The following DEPDC4 variants were observed in gnomAD, a reference collection of about 807,000 sequenced individuals.
The protein encoded by DEPDC4 is DEP domain containing 4.
DEPDC4 carries 52 observed loss-of-function variants against 52.0 expected under a neutral mutation model. That is an observed-to-expected ratio of 1.00 (90% CI 0.80 to 1.26). DEPDC4 has a LOEUF of 1.26. Ranked by LOEUF, DEPDC4 falls within the 50% of genes most tolerant of loss-of-function variation. The pLI, the probability that DEPDC4 is intolerant of heterozygous loss-of-function variation, is 0.00. For synonymous variants in DEPDC4, 201 were observed against 196.8 expected, an observed-to-expected ratio of 1.02 and a Z score of -0.18; for missense variants, 530 against 546.9, an observed-to-expected ratio of 0.97 and a Z score of 0.31.
chr12:100,244,687 C>T (rs992651230), intron 8 of DEPDC4, among the ~76,000 whole-genome samples: 3 of 151,366 alleles, frequency 2.0e-5, no homozygotes, highest in African/African-American at 7.3e-5. Context: ...CTCTTGAACT[C>T]CTGGGCTCAA....
At chr12:100,252,655 T>A in intron 5 of DEPDC4, 119 bp from the exon 6 acceptor site, 1 of 981,564 alleles carries the variant, frequency 1.0e-6, no homozygotes, top group Non-Finnish European at 1.4e-6. Flanking sequence ...GGTTCTTTTC[T>A]ACAATTAAAA....
At chr12:100,244,375 G>T (rs745458039) in intron 8 of DEPDC4, among the ~76,000 whole-genome samples, 2 of 151,174 alleles carry the variant, frequency 1.3e-5, no homozygotes, top group Non-Finnish European at 2.9e-5. Flanking sequence ...TAGAGACAGG[G>T]TTTCACTGTG....
At chr12:100,232,613 G>A (rs1349192233) in intron 9 of DEPDC4, among the ~76,000 whole-genome samples, 1 of 152,074 alleles carries the variant, frequency 6.6e-6, no homozygotes, top group Non-Finnish European at 1.5e-5. Flanking sequence ...GCTGGGCACG[G>A]TGGCTCACGC....
upstream of DEPDC4, among the ~76,000 whole-genome samples, chr12:100,269,157 C>T (rs961849054): frequency 2.6e-5 from 4 of 152,162 alleles, no homozygotes; most frequent in African/African-American, 9.7e-5. Flanking sequence ...AAATCGAACA[C>T]ATTAACATGC....
intron 1 of DEPDC4, 150 bp from the exon 2 acceptor site, chr12:100,264,043 T>C (rs562048355): frequency 1.4e-6 from 1 of 722,402 alleles, no homozygotes; most frequent in South Asian, 2.2e-5. Context: ...TAAACTATAG[T>C]ATATTTACTA....
At chr12:100,251,373 AC>A (rs1202675939) in intron 7 of DEPDC4, among the ~76,000 whole-genome samples, 1 of 152,112 alleles carries the variant, frequency 6.6e-6, no homozygotes, top group African/African-American at 2.4e-5. Flanking sequence ...TATTTCAAAA[AC>A]GTTTCAAAAT....
At position 100,265,226 on chromosome 12, in the gene DEPDC4, C is replaced by T. The variant is rs367892219; in HGVS notation, c.158-1333G>A. The stretch of plus-strand genomic sequence containing the variant: ...GGAGGATCACTTGAGCCAGGGAGGC[C>T]GAGGCTGCAGTGAGCTGTGACCCTG... On this transcript the variant is annotated intron_variant, in intron 1 of 9. Transcript: ENST00000550587. Among the ~76,000 whole-genome samples the T allele has an allele frequency of 2.8e-4, 42 of 151,940 alleles. No individual in the cohort carries two copies. In the South Asian group the frequency reaches 6.0e-3, roughly 22 times the overall value.
At chr12:100,274,058 A>G in the DEPDC4 span, among the ~76,000 whole-genome samples, 1 of 152,210 alleles carries the variant, frequency 6.6e-6, no homozygotes, top group African/African-American at 2.4e-5. Flanking sequence ...CAGTAGCAAC[A>G]TTTTCTAGCT....
At chr12:100,273,711 A>T in the DEPDC4 span, among the ~76,000 whole-genome samples, 1 of 152,222 alleles carries the variant, frequency 6.6e-6, no homozygotes, top group East Asian at 1.9e-4. Context: ...ACGTGGTATT[A>T]TAATCCCTTC....
intron 7 of DEPDC4, among the ~76,000 whole-genome samples, chr12:100,250,498 G>C (rs1439947476): frequency 6.6e-6 from 1 of 152,170 alleles, no homozygotes; most frequent in South Asian, 2.1e-4. Flanking sequence ...GGGATTACAG[G>C]CATGAGCCAC....
At chr12:100,257,312 A>T (rs1452083676) in intron 3 of DEPDC4, among the ~76,000 whole-genome samples, 1 of 149,654 alleles carries the variant, frequency 6.7e-6, no homozygotes, top group African/African-American at 2.5e-5. Context: ...TTCTGACCTC[A>T]AGTGATCCAC....
chr12:100,271,537 C>T (rs2096287723), upstream of DEPDC4, among the ~76,000 whole-genome samples: 3 of 152,070 alleles, frequency 2.0e-5, no homozygotes, highest in Non-Finnish European at 4.4e-5. Flanking sequence ...CCTTTGTGCC[C>T]CTTTAAGGGA....
intron 4 of DEPDC4, among the ~76,000 whole-genome samples, chr12:100,255,208 C>G (rs767697988): frequency 1.9e-4 from 29 of 152,232 alleles, no homozygotes; most frequent in Non-Finnish European, 3.5e-4. Flanking sequence ...CTGTGAGTTT[C>G]CTGCAGCGGC....
upstream of DEPDC4, among the ~76,000 whole-genome samples, chr12:100,271,450 A>G (rs918352786): frequency 3.9e-5 from 6 of 152,204 alleles, no homozygotes; most frequent in African/African-American, 1.2e-4. Context: ...TAGAATTACA[A>G]AAATTCATTG....
intron 3 of DEPDC4, 127 bp from the exon 4 acceptor site, chr12:100,256,353 T>C (rs904974736): frequency 2.2e-5 from 13 of 577,814 alleles, no homozygotes; most frequent in Non-Finnish European, 3.8e-5. Context: ...ATATAATGGG[T>C]TAATTTAATG....
At chr12:100,234,140 T>G (rs1174834518) in intron 9 of DEPDC4, among the ~76,000 whole-genome samples, 1 of 152,148 alleles carries the variant, frequency 6.6e-6, no homozygotes, top group Non-Finnish European at 1.5e-5. Flanking sequence ...AAACTTTTAT[T>G]TATGTGGATA....
intron 5 of DEPDC4, 38 bp from the exon 6 acceptor site, chr12:100,252,574 G>A (rs774807406): frequency 1.9e-6 from 3 of 1,544,710 alleles, no homozygotes; most frequent in African/African-American, 2.8e-5. Flanking sequence ...AGCATAAGAT[G>A]AAAAATGGAG....
At chr12:100,274,856 CT>C in the DEPDC4 span, among the ~76,000 whole-genome samples, 1 of 152,212 alleles carries the variant, frequency 6.6e-6, no homozygotes, top group Non-Finnish European at 1.5e-5. Context: ...GCCATAGACC[CT>C]TTTGACAATT....
chr12:100,266,801 G>A, intron 1 of DEPDC4, 119 bp downstream of exon 1: 1 of 1,338,512 alleles, frequency 7.5e-7, no homozygotes. Flanking sequence ...GCAGGAAGGG[G>A]GCGGGGCTAG....
Sources: allele counts gnomAD v4.1 joint callset (sites outside exome capture counted in the v4.1 genomes callset), GRCh38; gene constraint gnomAD v4.1.1; transcripts MANE v1.5; gene names NCBI Gene and HGNC (gene_info 2026-07-23, HGNC 2026-07-21).